SZRD1: variants seen among roughly 807,000 people sequenced by gnomAD.
SZRD1 encodes the protein SUZ RNA-binding domain-containing.
SZRD1 carries 7 observed loss-of-function variants against 17.6 expected under a neutral mutation model. That is an observed-to-expected ratio of 0.40 (90% confidence interval 0.23 to 0.75). SZRD1 has a LOEUF of 0.75. Among genes scored for constraint, SZRD1 ranks in the 30% least tolerant of loss-of-function variants. The pLI is 0.38. For missense variants in SZRD1, 178 were observed against 201.8 expected (o/e 0.88, Z 0.71); for synonymous variants, 77 against 77.9 (o/e 0.99, Z 0.06).
At chr1:16,369,820 C>T (rs1025749645) in intron 1 of SZRD1, among the ~76,000 whole-genome samples, 1 of 148,142 alleles carries the variant, frequency 6.8e-6, no homozygotes, top group East Asian at 2.1e-4. Context: ...ACCTAGGAGG[C>T]GGAGGTTGCA....
intron 1 of SZRD1, among the ~76,000 whole-genome samples, chr1:16,389,080 C>CTTT (rs779460255): frequency 2.7e-4 from 31 of 114,892 alleles, no homozygotes; most frequent in Admixed American, 3.6e-4. Context: ...TAGTTATTTC[C>CTTT]TTTTTTTTTT....
At chr1:16,369,564 C>T in intron 1 of SZRD1, 1 of 692,004 alleles carries the variant, frequency 1.4e-6, no homozygotes, top group Non-Finnish European at 2.6e-6. Flanking sequence ...AGAGTTCTTT[C>T]TGCTATCCCT....
chr1:16,389,996 C>T (rs1327349602), intron 1 of SZRD1, among the ~76,000 whole-genome samples: 1 of 152,334 alleles, frequency 6.6e-6, no homozygotes, highest in East Asian at 1.9e-4. Context: ...TTTAGCATTT[C>T]CCCAATAGTG....
rs146212048 is a variant in SZRD1, at chr1:16,389,014, T to G, written c.52-2361T>G. On this transcript the variant is annotated intron_variant, in intron 1 of 3. Coordinates refer to ENST00000401088, the MANE Select transcript of SZRD1 (RefSeq NM_001114600.3). ...AATGAGTCAGTAAGAATTTACAAGA[T>G]TAGAACAATATAGCTAACCAGCTTG... is the stretch of plus-strand genomic sequence containing the variant. 2.1e-3 allele frequency among the ~76,000 whole-genome samples: 318 copies of G among 151,840 alleles called. 2 individuals carry two copies. The highest frequency in any genetic ancestry group is 6.8e-3 in the Middle Eastern group (2 of 294).
In SZRD1 at chr1:16,395,040, C is replaced by T. The variant is rs1269002272; in HGVS notation, c.359C>T (p.Pro120Leu). The T allele has an allele frequency of 6.2e-7, 1 of 1,604,330 alleles. No individual in the cohort carries two copies. Among genetic ancestry groups the T allele is most frequent in the Non-Finnish European group, 8.5e-7 (1 of 1,171,634 alleles). The change falls in exon 4 of 4, where the codon CCA becomes CTA. Residue 120 changes from proline (P) to leucine (L), a missense_variant and splice_region_variant. Physicochemically the swap from Pro to Leu is moderately conservative, Grantham distance 98. This residue lies in a region of SZRD1 where 57 missense variants were observed against 71.9 expected (regional missense o/e 0.79). Coordinates refer to ENST00000401088, the MANE Select transcript of SZRD1 (RefSeq NM_001114600.3). ...TCCTCTGCTTTTCTTCCTTTCAGGC[C>T]AACCAGGATCTCCCAACCCGAAGAC... ...EEQEKPILDR[P>L]TRISQPEDSR...
At chr1:16,381,179 A>G (rs936013693) in intron 1 of SZRD1, among the ~76,000 whole-genome samples, 3 of 149,082 alleles carry the variant, frequency 2.0e-5, no homozygotes, top group Non-Finnish European at 4.5e-5. Flanking sequence ...ACTTGAGTCC[A>G]GGAGTGTGAG....
chr1:16,382,776 G>A (rs914312686), intron 1 of SZRD1, among the ~76,000 whole-genome samples: 4 of 151,806 alleles, frequency 2.6e-5, no homozygotes, highest in Non-Finnish European at 4.4e-5. Flanking sequence ...GATTACAGGC[G>A]TGAGCCACTG....
chr1:16,371,221 T>G (rs1387292473), intron 1 of SZRD1, among the ~76,000 whole-genome samples: 1 of 152,100 alleles, frequency 6.6e-6, no homozygotes, highest in Non-Finnish European at 1.5e-5. Flanking sequence ...AGACAGGGTC[T>G]TGCTCTGTTG....
At chr1:16,372,707 T>C (rs2082934474) in intron 1 of SZRD1, among the ~76,000 whole-genome samples, 1 of 152,210 alleles carries the variant, frequency 6.6e-6, no homozygotes, top group South Asian at 2.1e-4. Context: ...GGATTAAGAA[T>C]TGAAATTTAT....
intron 1 of SZRD1, among the ~76,000 whole-genome samples, chr1:16,380,898 C>T (rs891923524): frequency 4.6e-5 from 7 of 151,760 alleles, no homozygotes; most frequent in East Asian, 1.9e-4. Context: ...TGAGCCACTG[C>T]ACCCAGCCCC....
chr1:16,379,450 A>ACTTAACTTCCGGGTTAAGT (rs1250306410), intron 1 of SZRD1, among the ~76,000 whole-genome samples: 20 of 152,266 alleles, frequency 1.3e-4, no homozygotes, highest in Non-Finnish European at 4.4e-5. Context: ...TTGTGCAGTC[A>ACTTAACTTCCGGGTTAAGT]GAGGCAAATC....
chr1:16,395,007 T>G (rs1306652919), intron 3 of SZRD1, 31 bp from the exon 4 acceptor site: 1 of 1,279,942 alleles, frequency 7.8e-7, no homozygotes. Flanking sequence ...ATATCCTTCT[T>G]CAGGCCTTCC....
chr1:16,394,885 G>A (rs568554218), intron 3 of SZRD1, among the ~76,000 whole-genome samples, 153 bp from the exon 4 acceptor site: 53 of 152,272 alleles, frequency 3.5e-4, no homozygotes, highest in Non-Finnish European at 5.4e-4. Flanking sequence ...AACTCAGGAG[G>A]TGGGGGTTGC....
rs2082835386 is a variant in SZRD1, at chr1:16,367,255, A to G, written c.-3A>G. The G allele has an allele frequency of 2.6e-6, 4 of 1,548,392 alleles. No individual in the cohort carries two copies. Among genetic ancestry groups the G allele is most frequent in the South Asian group, 1.2e-5 (1 of 83,950 alleles). On this transcript the variant is annotated 5_prime_UTR_variant, in exon 1 of 4. Transcript: ENST00000401088. ...TGGGGGAGGAGGGAAAGCGGCGAGT[A>G]AGATGGAAGATGAGGAGGTCGCTGA... is the stretch of plus-strand genomic sequence containing the variant.
In SZRD1 at chr1:16,395,693, A is replaced by AC. The variant is rs1185895848; in HGVS notation, c.*553_*554insC. On this transcript the variant is annotated 3_prime_UTR_variant, in exon 4 of 4. Coordinates refer to ENST00000401088, the MANE Select transcript of SZRD1 (RefSeq NM_001114600.3). ...TGGGAGGGGTTTTAGTGGTTTAATG[A>AC]ATTTTTAATTAAGAAAGGGTAGTTT... is the stretch of plus-strand genomic sequence containing the variant. 7 of 155,496 alleles carry AC rather than the reference A, an allele frequency of 4.5e-5. No individual in the cohort carries two copies. Among genetic ancestry groups the AC allele is most frequent in the Non-Finnish European group, 1.0e-4 (7 of 69,718 alleles). 9.6% of individuals were successfully genotyped at this position (155,496 alleles called of 1,614,324 possible). A position where few individuals can be genotyped will look rare whatever the true frequency, so the allele number is the denominator to read the frequency against.
intron 1 of SZRD1, among the ~76,000 whole-genome samples, chr1:16,374,252 A>T (rs1421341679): frequency 6.6e-6 from 1 of 152,154 alleles, no homozygotes; most frequent in African/African-American, 2.4e-5. Flanking sequence ...GGAAAGGTTG[A>T]GCCTTATGGA....
At chr1:16,389,026 A>G (rs996732756) in intron 1 of SZRD1, among the ~76,000 whole-genome samples, 2 of 151,384 alleles carry the variant, frequency 1.3e-5, no homozygotes, top group Non-Finnish European at 2.9e-5. Context: ...AGAACAATAT[A>G]GCTAACCAGC....
chr1:16,369,208 C>A, intron 1 of SZRD1: 1 of 491,852 alleles, frequency 2.0e-6, no homozygotes, highest in East Asian at 3.2e-5. Flanking sequence ...TAATTTGTAG[C>A]TATCTTTGCT....
intron 1 of SZRD1, among the ~76,000 whole-genome samples, chr1:16,370,252 G>A (rs1354512231): frequency 6.6e-6 from 1 of 150,700 alleles, no homozygotes; most frequent in Non-Finnish European, 1.5e-5. Flanking sequence ...TTGAGAGAAG[G>A]TCTTACTCCA....
Sources: gnomAD v4.1 joint callset for allele counts (sites outside exome capture counted in the v4.1 genomes callset) on GRCh38, gnomAD v4.1.1 for gene constraint, gnomAD v4.1.1 regional missense constraint, MANE v1.5 for transcripts, NCBI Gene and HGNC (gene_info 2026-07-23, HGNC 2026-07-21) for gene names.